STXBP6: variants seen among roughly 807,000 people sequenced by gnomAD.
The protein encoded by STXBP6 is syntaxin-binding protein 6.
In STXBP6, 21 loss-of-function variants were observed where a neutral mutation model predicts 26.9. The observed-to-expected ratio is 0.78, with a 90% CI of 0.55 to 1.12. STXBP6 has a LOEUF of 1.12. Among genes scored for constraint, STXBP6 ranks in the 50% most tolerant of loss-of-function variants. The pLI is 0.00. For missense variants in STXBP6, 232 were observed against 257.9 expected, an observed-to-expected ratio of 0.90 and a Z score of 0.69; for synonymous variants, 97 against 92.6, an observed-to-expected ratio of 1.05 and a Z score of -0.27.
chr14:24,974,773 CAA>C lies in STXBP6; in HGVS notation c.44_45del (p.Leu15ArgfsTer2), dbSNP rs766614528. ...TGGACAGCTCCCAGCATCCTTTCAT[CAA>C]GAGGTGCAAAAATTTCCTTGCTGAT... ...SAISKEIFAP[L>X]DERMLGAVQV... On this transcript the variant is annotated frameshift_variant, in exon 2 of 6. Transcript: ENST00000323944. LOFTEE classifies it high-confidence loss of function. 6.2e-7 allele frequency: 1 copy of C among 1,607,942 alleles called. No individual in the cohort carries two copies. The highest frequency in any genetic ancestry group is 1.1e-5 in the South Asian group (1 of 89,542).
Position 24,812,492 on chromosome 14 carries a change from T to C in STXBP6, c.*217A>G, listed in dbSNP as rs9319. On this transcript the variant is annotated 3_prime_UTR_variant, in exon 6 of 6. Transcript: ENST00000323944. ...AGGAGGCAAAAACCCAAAATGAAGCTGATGCTATTGTAGCATTTATTAGCA... is the reference window on the plus strand; with the variant it reads ...AGGAGGCAAAAACCCAAAATGAAGCCGATGCTATTGTAGCATTTATTAGCA... 0.13 allele frequency: 73,207 copies of C among 573,472 alleles called. 7,631 individuals carry two copies. Among genetic ancestry groups the C allele is most frequent in the African/African-American group, 0.41 (22,088 of 53,254 alleles). The allele number at this position is 573,472 out of a possible 1,614,324, so 35.5% of individuals were successfully genotyped here. A position where few individuals can be genotyped will look rare whatever the true frequency, so the allele number is the denominator to read the frequency against.
intron 2 of STXBP6, among the ~76,000 whole-genome samples, chr14:24,911,011 T>C (rs935037065): frequency 2.0e-5 from 3 of 152,130 alleles, no homozygotes; most frequent in Admixed American, 1.3e-4. Flanking sequence ...TGCTTTTCTA[T>C]AGGTTTGAAC....
chr14:24,910,781 C>T (rs1025562925), intron 2 of STXBP6, among the ~76,000 whole-genome samples: 8 of 152,184 alleles, frequency 5.3e-5, no homozygotes, highest in Non-Finnish European at 1.0e-4. Context: ...ACCACTACCA[C>T]GCAGAATTGC....
At chr14:24,832,816 T>C (rs1037317519) in intron 4 of STXBP6, among the ~76,000 whole-genome samples, 1 of 152,208 alleles carries the variant, frequency 6.6e-6, no homozygotes, top group Non-Finnish European at 1.5e-5. Context: ...GTGTCTATTA[T>C]CAAGGTTCCA....
Position 24,917,876 on chromosome 14 carries a change from A to G in STXBP6, c.154+56789T>C, listed in dbSNP as rs75302481. Among the ~76,000 whole-genome samples, 1,006 of 152,188 alleles carry G rather than the reference A, an allele frequency of 6.6e-3. 4 individuals are homozygous for G. The highest frequency in any genetic ancestry group is 0.011 in the Non-Finnish European group (759 of 67,974). ...AACATGGATGACTTTTTAAGACATTATGTCAGTCACATATCCTTGCCGGAC... is the reference window on the plus strand; with the variant it reads ...AACATGGATGACTTTTTAAGACATTGTGTCAGTCACATATCCTTGCCGGAC... On this transcript the variant is annotated intron_variant, in intron 2 of 5. Coordinates refer to ENST00000323944, the MANE Select transcript of STXBP6 (RefSeq NM_001394410.1).
chr14:24,931,465 A>T lies in STXBP6; in HGVS notation c.154+43200T>A, dbSNP rs570234003. ...AGAGTTGTTACTCATTTTCTTCCTC[A>T]TTTCTCTGAGCTTCCACACAACTTT... is the stretch of plus-strand genomic sequence containing the variant. On this transcript the variant is annotated intron_variant, in intron 2 of 5. Transcript: ENST00000323944. Among the ~76,000 whole-genome samples, 3 of 152,258 alleles carry T rather than the reference A, an allele frequency of 2.0e-5. No individual in the cohort carries two copies. The South Asian group carries it at 6.2e-4, about 32-fold the overall frequency.
intron 4 of STXBP6, among the ~76,000 whole-genome samples, chr14:24,827,212 T>C (rs561653906): frequency 1.2e-4 from 19 of 152,062 alleles, no homozygotes; most frequent in East Asian, 3.9e-4. Flanking sequence ...AACAAAGAAA[T>C]AAACAAACAA....
chr14:25,028,322 C>A (rs1054473711), intron 1 of STXBP6, among the ~76,000 whole-genome samples: 2 of 152,156 alleles, frequency 1.3e-5, no homozygotes, highest in African/African-American at 2.4e-5. Context: ...GCTAATGCTG[C>A]TGGTGACTTT....
chr14:24,946,084 G>T (rs555058367), intron 2 of STXBP6, among the ~76,000 whole-genome samples: 5 of 152,252 alleles, frequency 3.3e-5, no homozygotes, highest in African/African-American at 4.8e-5. Flanking sequence ...GAAACCAAAG[G>T]AACATAAACT....
At chr14:25,021,212 G>T (rs558073698) in intron 1 of STXBP6, among the ~76,000 whole-genome samples, 15 of 152,176 alleles carry the variant, frequency 9.9e-5, no homozygotes, top group African/African-American at 3.6e-4. Flanking sequence ...CCCTCCTGTT[G>T]CATCTTGTTC....
At chr14:24,980,366 T>C (rs1595242695) in intron 1 of STXBP6, among the ~76,000 whole-genome samples, 1 of 152,328 alleles carries the variant, frequency 6.6e-6, no homozygotes, top group Middle Eastern at 3.4e-3. Context: ...ATAAGACAGT[T>C]CTCAAGTTGA....
chr14:24,855,819 A>C, intron 4 of STXBP6, 117 bp downstream of exon 4: 1 of 931,920 alleles, frequency 1.1e-6, no homozygotes, highest in South Asian at 1.8e-5. Flanking sequence ...TCTAGCTCTG[A>C]GCATATTGAT....
chr14:24,853,492 A>G (rs1352476639), intron 4 of STXBP6, among the ~76,000 whole-genome samples: 1 of 152,136 alleles, frequency 6.6e-6, no homozygotes, highest in African/African-American at 2.4e-5. Context: ...TAATTGCGCT[A>G]AATCTTTGAT....
At chr14:24,846,066 G>GT (rs2068949615) in intron 4 of STXBP6, among the ~76,000 whole-genome samples, 1 of 152,124 alleles carries the variant, frequency 6.6e-6, no homozygotes, top group African/African-American at 2.4e-5. Context: ...CTCTTCCTCC[G>GT]TGAATGAGAG....
intron 2 of STXBP6, among the ~76,000 whole-genome samples, chr14:24,897,872 G>C (rs937270841): frequency 7.2e-5 from 11 of 152,154 alleles, no homozygotes; most frequent in Non-Finnish European, 1.6e-4. Context: ...AGACTAAGTG[G>C]CTTGGCTCTT....
chr14:24,923,544 T>C (rs570236665), intron 2 of STXBP6, among the ~76,000 whole-genome samples: 18 of 152,276 alleles, frequency 1.2e-4, no homozygotes, highest in African/African-American at 4.1e-4. Context: ...TTCTCCAAAG[T>C]GGTTATATCA....
At chr14:24,849,950 C>T (rs2069089502) in intron 4 of STXBP6, among the ~76,000 whole-genome samples, 1 of 152,074 alleles carries the variant, frequency 6.6e-6, no homozygotes, top group South Asian at 2.1e-4. Flanking sequence ...CCCCTGGTTG[C>T]AGCATGTGTA....
At chr14:24,913,010 C>T (rs978549291) in intron 2 of STXBP6, among the ~76,000 whole-genome samples, 4 of 152,198 alleles carry the variant, frequency 2.6e-5, no homozygotes, top group African/African-American at 9.6e-5. Flanking sequence ...CTTTGCAATC[C>T]TGAGTTATGA....
intron 2 of STXBP6, among the ~76,000 whole-genome samples, chr14:24,899,256 A>G (rs1380433600): frequency 2.0e-5 from 3 of 152,268 alleles, no homozygotes; most frequent in Non-Finnish European, 4.4e-5. Context: ...AAAAGTCAAT[A>G]GTAACTTGTC....
Sources: allele counts gnomAD v4.1 joint callset (sites outside exome capture counted in the v4.1 genomes callset), GRCh38; gene constraint gnomAD v4.1.1; transcripts MANE v1.5; gene names NCBI Gene and HGNC (gene_info 2026-07-23, HGNC 2026-07-21).